Variants in PCDH15 observed in about 807,000 individuals in gnomAD.
PCDH15 encodes protocadherin-15.
PCDH15 carries 129 observed loss-of-function variants against 178.5 expected under a neutral mutation model. The ratio of observed to expected loss-of-function variants is 0.72; its 90% CI spans 0.63 to 0.84. PCDH15 has a LOEUF of 0.84. Among genes scored for constraint, PCDH15 ranks in the 40% least tolerant of loss-of-function variants. The probability of loss-of-function intolerance (pLI) is 0.00; values close to 1 mark genes in which losing one functional copy is unlikely to be tolerated. For synonymous variants in PCDH15, 800 were observed against 732.0 expected (o/e 1.09, Z -1.50); for missense variants, 2,230 against 2,099.9 (o/e 1.06, Z -1.21).
At chr10:54,010,743 A>G (rs780396542) in intron 20 of PCDH15, among the ~76,000 whole-genome samples, 4 of 152,090 alleles carry the variant, frequency 2.6e-5, no homozygotes, top group Non-Finnish European at 5.9e-5. Flanking sequence ...CCAGCACACC[A>G]CAGCCACAAT....
intron 2 of PCDH15, among the ~76,000 whole-genome samples, chr10:55,424,181 C>G (rs1241280150): frequency 6.6e-6 from 1 of 152,086 alleles, no homozygotes; most frequent in African/African-American, 2.4e-5. Context: ...AAATGAATGT[C>G]CCGTTTCAAG....
At chr10:53,854,337 T>A (rs2078586208) in intron 28 of PCDH15, among the ~76,000 whole-genome samples, 1 of 152,004 alleles carries the variant, frequency 6.6e-6, no homozygotes, top group Non-Finnish European at 1.5e-5. Flanking sequence ...AAATCTATTT[T>A]GAAACAATGT....
In PCDH15 at chr10:54,767,586, T is replaced by C. The variant is rs139696901; in HGVS notation, c.-29+33339A>G. On this transcript the variant is annotated intron_variant, in intron 1 of 37. Transcript: ENST00000644397. ...CATCACAGTTGAGAAATCCGACAAG[T>C]CCTATTTCATCCAGGAGATCAAGGT... 3.9e-4 allele frequency among the ~76,000 whole-genome samples: 59 copies of C among 152,202 alleles called. 1 individual carries two copies. The highest frequency in any genetic ancestry group is 1.4e-3 in the African/African-American group (59 of 41,504).
intron 3 of PCDH15, among the ~76,000 whole-genome samples, chr10:54,409,339 C>T (rs1320457478): frequency 3.9e-5 from 6 of 152,066 alleles, no homozygotes; most frequent in African/African-American, 1.4e-4. Flanking sequence ...TTTCTTCCAC[C>T]CTTTCAATCA....
chr10:54,667,763 A>G (rs913421712), intron 1 of PCDH15, among the ~76,000 whole-genome samples: 1 of 152,138 alleles, frequency 6.6e-6, no homozygotes, highest in Non-Finnish European at 1.5e-5. Context: ...GTTCAATTCT[A>G]AAAAGAATTG....
intron 2 of PCDH15, among the ~76,000 whole-genome samples, chr10:55,580,424 C>T (rs1842592442): frequency 6.8e-6 from 1 of 146,070 alleles, no homozygotes; most frequent in Admixed American, 7.1e-5. Context: ...GTGACATGAT[C>T]TCGGCTCACT....
intron 18 of PCDH15, among the ~76,000 whole-genome samples, chr10:54,063,051 TA>T (rs1471441181): frequency 6.6e-6 from 1 of 152,228 alleles, no homozygotes; most frequent in Non-Finnish European, 1.5e-5. Context: ...TTATCATTAA[TA>T]AAGACGATTA....
intron 5 of PCDH15, among the ~76,000 whole-genome samples, chr10:54,353,406 A>G (rs1944463832): frequency 6.6e-6 from 1 of 152,174 alleles, no homozygotes; most frequent in African/African-American, 2.4e-5. Flanking sequence ...ATATTAAACA[A>G]AATGCAGAGA....
chr10:54,226,391 C>G (rs919118069), intron 9 of PCDH15, among the ~76,000 whole-genome samples: 1 of 152,196 alleles, frequency 6.6e-6, no homozygotes, highest in Admixed American at 6.5e-5. Flanking sequence ...CCTCCCACAA[C>G]ATGTGGGAAT....
chr10:54,785,715 G>C (rs367914505), intron 1 of PCDH15, among the ~76,000 whole-genome samples: 15 of 152,120 alleles, frequency 9.9e-5, no homozygotes, highest in East Asian at 9.7e-4. Flanking sequence ...AAAAAAGCAT[G>C]TAGCACCCTG....
intron 1 of PCDH15, among the ~76,000 whole-genome samples, chr10:54,718,602 T>C (rs1429745376): frequency 6.6e-6 from 1 of 150,564 alleles, no homozygotes; most frequent in African/African-American, 2.4e-5. Context: ...AGATAGCTTA[T>C]CTAGATGATA....
At chr10:54,408,511 CATT>C (rs1419400076) in intron 3 of PCDH15, among the ~76,000 whole-genome samples, 1 of 152,092 alleles carries the variant, frequency 6.6e-6, no homozygotes, top group Non-Finnish European at 1.5e-5. Context: ...AATATTCTTA[CATT>C]ATTTCTATCA....
At chr10:54,113,457 A>C (rs4399248) in intron 15 of PCDH15, among the ~76,000 whole-genome samples, 47,062 of 152,008 alleles carry the variant, frequency 0.31, 8,567 homozygotes, top group East Asian at 0.87. Context: ...AACAGTGTGA[A>C]TGTGCTCTGG....
At chr10:55,492,362 G>A (rs1006087272) in intron 2 of PCDH15, among the ~76,000 whole-genome samples, 1 of 151,780 alleles carries the variant, frequency 6.6e-6, no homozygotes, top group Non-Finnish European at 1.5e-5. Context: ...ACCCATAAAT[G>A]TTTATATCAA....
intron 1 of PCDH15, among the ~76,000 whole-genome samples, chr10:55,235,830 C>T (rs762242262): frequency 1.4e-4 from 21 of 149,248 alleles, no homozygotes; most frequent in Non-Finnish European, 2.8e-4. Context: ...TTGCTTGAAC[C>T]CGGGAGGTGG....
intron 10 of PCDH15, among the ~76,000 whole-genome samples, chr10:54,204,068 T>A (rs1263355277): frequency 6.6e-6 from 1 of 152,218 alleles, no homozygotes; most frequent in Non-Finnish European, 1.5e-5. Context: ...AATAACAATA[T>A]TATTAGTGTA....
At chr10:54,736,581 C>T (rs1944154971) in intron 1 of PCDH15, among the ~76,000 whole-genome samples, 1 of 152,034 alleles carries the variant, frequency 6.6e-6, no homozygotes, top group Non-Finnish European at 1.5e-5. Context: ...TCTTCTTCAT[C>T]TCGGCAAAAG....
chr10:55,022,028 G>A (rs916152869), intron 2 of PCDH15, among the ~76,000 whole-genome samples: 1 of 152,138 alleles, frequency 6.6e-6, no homozygotes, highest in Non-Finnish European at 1.5e-5. Context: ...ACCAGAGGCT[G>A]GGGTGGTTAG....
intron 1 of PCDH15, among the ~76,000 whole-genome samples, chr10:54,777,842 G>A (rs978897373): frequency 1.3e-5 from 2 of 152,164 alleles, no homozygotes; most frequent in African/African-American, 2.4e-5. Context: ...AGCTGGAAAC[G>A]AGGGCCTCTT....
Sources: gnomAD v4.1 joint callset for allele counts (sites outside exome capture counted in the v4.1 genomes callset) on GRCh38, gnomAD v4.1.1 for gene constraint, MANE v1.5 for transcripts, NCBI Gene and HGNC (gene_info 2026-07-23, HGNC 2026-07-21) for gene names.